CCDC7: variants seen among roughly 807,000 people sequenced by gnomAD.
The protein encoded by CCDC7 is coiled-coil domain containing 7, also known as coiled-coil domain-containing protein 7.
A neutral mutation model predicts 196.9 loss-of-function variants in CCDC7; 183 were observed. The observed-to-expected ratio is 0.93, with a 90% CI of 0.82 to 1.05. The LOEUF (loss-of-function observed/expected upper bound fraction) is 1.05, where lower values mean the gene tolerates loss of function less well. CCDC7 is among the 50% of genes least tolerant of loss of function. CCDC7 has a pLI of 0.00. For synonymous variants in CCDC7, 525 were observed against 484.6 expected (o/e 1.08, Z -1.10); for missense variants, 1,540 against 1,482.2 (o/e 1.04, Z -0.64).
intron 41 of CCDC7, among the ~76,000 whole-genome samples, chr10:32,861,634 A>G (rs1373840245): frequency 7.2e-5 from 11 of 152,228 alleles, no homozygotes; most frequent in African/African-American, 2.2e-4. Context: ...TGAACAGGCA[A>G]CCTACAGAAT....
At chr10:32,775,864 A>G (rs2079936621) in intron 28 of CCDC7, among the ~76,000 whole-genome samples, 1 of 151,902 alleles carries the variant, frequency 6.6e-6, no homozygotes, top group Non-Finnish European at 1.5e-5. Flanking sequence ...CACAATAGCA[A>G]AGACTTGGAA....
At chr10:32,882,279 G>T (rs1022224815) in intron 22 of CCDC7, among the ~76,000 whole-genome samples, 1 of 152,156 alleles carries the variant, frequency 6.6e-6, no homozygotes, top group African/African-American at 2.4e-5. Flanking sequence ...GGCCTAACAA[G>T]ATTCTTCTTA....
chr10:32,582,417 T>C (rs2137477921), intron 16 of CCDC7, among the ~76,000 whole-genome samples: 1 of 152,132 alleles, frequency 6.6e-6, no homozygotes, highest in South Asian at 2.1e-4. Flanking sequence ...AATTTTTATA[T>C]AGTTTGATCA....
At chr10:32,725,783 T>C (rs373215732) in intron 25 of CCDC7, among the ~76,000 whole-genome samples, 3 of 151,856 alleles carry the variant, frequency 2.0e-5, no homozygotes, top group African/African-American at 7.3e-5. Flanking sequence ...CTCATTACCA[T>C]AGAGAGGGCA....
intron 20 of CCDC7, among the ~76,000 whole-genome samples, chr10:32,656,428 A>G (rs2069878065): frequency 1.3e-5 from 2 of 151,204 alleles, no homozygotes. Flanking sequence ...CTTGACTCAC[A>G]GTTCTGCATG....
At chr10:32,740,034 C>A (rs1372757229) in intron 28 of CCDC7, among the ~76,000 whole-genome samples, 2 of 151,996 alleles carry the variant, frequency 1.3e-5, no homozygotes, top group Non-Finnish European at 2.9e-5. Flanking sequence ...TTTTAGTAAG[C>A]CTGTGCCTCA....
intron 28 of CCDC7, among the ~76,000 whole-genome samples, chr10:32,766,450 C>G (rs77294238): frequency 6.6e-6 from 1 of 151,910 alleles, no homozygotes. Flanking sequence ...TCTTACAGAT[C>G]CAATGGTGCT....
rs373078675 is a variant in CCDC7, at chr10:32,729,411, C to T, written c.2859C>T (p.Ser953=). Residue 953 remains serine (S), a synonymous_variant, in exon 28 of 42, where the codon AGC becomes AGT. Coordinates refer to ENST00000639629, the Ensembl canonical transcript of CCDC7. ...AGGAGAAAGTTTTATTATCAAGAAG[C>T]GAATCTCAAACGAAGAAACTTCAAG... 39 of 1,468,816 alleles carry T rather than the reference C, an allele frequency of 2.7e-5. No individual in the cohort carries two copies. The African/African-American group carries it at 2.8e-4, about 10-fold the overall frequency. 91.0% of individuals were successfully genotyped at this position (1,468,816 alleles called of 1,614,324 possible). A position where few individuals can be genotyped will look rare whatever the true frequency, so the allele number is the denominator to read the frequency against.
intron 20 of CCDC7, among the ~76,000 whole-genome samples, chr10:32,661,133 AAAAC>A (rs2071312848): frequency 2.0e-5 from 3 of 151,374 alleles, no homozygotes; most frequent in African/African-American, 7.3e-5. Flanking sequence ...TTACAAGAAA[AAAAC>A]AACCCCATCA....
At chr10:32,870,859 G>T (rs1265308381) in intron 41 of CCDC7, among the ~76,000 whole-genome samples, 1 of 152,090 alleles carries the variant, frequency 6.6e-6, no homozygotes, top group African/African-American at 2.4e-5. Context: ...TTATCATATG[G>T]TTTTTGTCTT....
chr10:32,519,711 C>T (rs1371478733), intron 11 of CCDC7, among the ~76,000 whole-genome samples: 2 of 152,026 alleles, frequency 1.3e-5, no homozygotes, highest in Admixed American at 1.3e-4. Context: ...AGCACTTATC[C>T]TTTGTGTTGC....
intron 33 of CCDC7, among the ~76,000 whole-genome samples, chr10:32,843,635 C>A (rs2093114223): frequency 6.6e-6 from 1 of 151,954 alleles, no homozygotes; most frequent in East Asian, 1.9e-4. Context: ...ATTACTTTAG[C>A]ACATAGATTC....
chr10:32,785,506 G>A (rs1470451127), intron 29 of CCDC7, among the ~76,000 whole-genome samples: 1 of 151,720 alleles, frequency 6.6e-6, no homozygotes. Context: ...TAGAAAATAA[G>A]GAAAACTAAA....
chr10:32,731,430 G>A (rs1255444860), intron 28 of CCDC7, among the ~76,000 whole-genome samples: 2 of 151,798 alleles, frequency 1.3e-5, no homozygotes, highest in Non-Finnish European at 2.9e-5. Flanking sequence ...AATATTTTGG[G>A]TGAGGGTGCT....
At chr10:32,733,281 AAAC>A (rs1353660715) in intron 28 of CCDC7, among the ~76,000 whole-genome samples, 1 of 152,088 alleles carries the variant, frequency 6.6e-6, no homozygotes, top group Non-Finnish European at 1.5e-5. Flanking sequence ...TATTATTTCA[AAAC>A]ATGAGAGAAA....
At chr10:32,551,913 C>T (rs1394333341) in intron 13 of CCDC7, among the ~76,000 whole-genome samples, 2 of 152,048 alleles carry the variant, frequency 1.3e-5, no homozygotes, top group Admixed American at 6.6e-5. Flanking sequence ...CTGTTAAGTC[C>T]ATTTGTTCTA....
chr10:32,872,120 T>G (rs543747091), intron 41 of CCDC7, among the ~76,000 whole-genome samples: 3 of 152,164 alleles, frequency 2.0e-5, no homozygotes, highest in Non-Finnish European at 4.4e-5. Flanking sequence ...TGTCTATTAG[T>G]TCCGCTTGGT....
At chr10:32,704,228 G>T (rs1221559977) in intron 24 of CCDC7, among the ~76,000 whole-genome samples, 2 of 152,108 alleles carry the variant, frequency 1.3e-5, no homozygotes, top group Non-Finnish European at 2.9e-5. Context: ...TCCTTCCACA[G>T]TCAGGACCCT....
At chr10:32,806,346 AG>A (rs1332357502) in intron 30 of CCDC7, among the ~76,000 whole-genome samples, 3 of 152,214 alleles carry the variant, frequency 2.0e-5, no homozygotes, top group East Asian at 3.8e-4. Flanking sequence ...CTAATAAGGA[AG>A]AAAGTATGAC....
Sources: gnomAD v4.1 joint callset for allele counts (sites outside exome capture counted in the v4.1 genomes callset) on GRCh38, gnomAD v4.1.1 for gene constraint, MANE v1.5 for transcripts, NCBI Gene and HGNC (gene_info 2026-07-23, HGNC 2026-07-21) for gene names.